The following PCDH9 variants were observed in gnomAD, a reference collection of about 807,000 sequenced individuals.
The protein encoded by PCDH9 is protocadherin-9.
PCDH9 carries 24 observed loss-of-function variants against 70.6 expected under a neutral mutation model. The observed-to-expected ratio is 0.34, with a 90% CI of 0.25 to 0.48. The LOEUF is 0.48. Among genes scored for constraint, PCDH9 ranks in the 20% least tolerant of loss-of-function variants. PCDH9 has a pLI of 0.99. For synonymous variants in PCDH9, 562 were observed against 558.5 expected (o/e 1.01, Z -0.09); for missense variants, 1,281 against 1,503.6 (o/e 0.85, Z 2.45).
At chr13:66,568,676 A>C (rs2138733784) in intron 4 of PCDH9, among the ~76,000 whole-genome samples, 1 of 152,022 alleles carries the variant, frequency 6.6e-6, no homozygotes, top group South Asian at 2.1e-4. Context: ...CTGTCTCAAA[A>C]AAAAAAAAGA....
chr13:67,005,609 G>A (rs1484409722), intron 2 of PCDH9, among the ~76,000 whole-genome samples: 1 of 152,130 alleles, frequency 6.6e-6, no homozygotes, highest in East Asian at 1.9e-4. Flanking sequence ...TAAGGTCCTT[G>A]TGAATCCTAC....
intron 3 of PCDH9, among the ~76,000 whole-genome samples, chr13:66,662,388 G>A (rs779623173): frequency 4.6e-5 from 7 of 151,874 alleles, no homozygotes; most frequent in Non-Finnish European, 8.8e-5. Context: ...CAGGAGAATT[G>A]TTTGAACTTG....
chr13:66,632,591 T>A lies in PCDH9; in HGVS notation c.3139-1180A>T, dbSNP rs149460085. Among the ~76,000 whole-genome samples, 626 of 152,240 alleles carry A rather than the reference T, an allele frequency of 4.1e-3. 15 individuals carry two copies. The East Asian group carries it at 0.079, about 19-fold the overall frequency. ...CATTGTCATGTTTACCAAAAAAGTT[T>A]TCTCATAAAAAATAATACATTTTAA... On this transcript the variant is annotated intron_variant, in intron 3 of 4. Transcript: ENST00000377865.
At chr13:66,736,658 G>T (rs2079153383) in intron 3 of PCDH9, among the ~76,000 whole-genome samples, 1 of 152,180 alleles carries the variant, frequency 6.6e-6, no homozygotes, top group Admixed American at 6.5e-5. Context: ...GCTTGTTCAG[G>T]CATTGAAAAC....
chr13:66,767,379 C>A (rs1729672485), intron 3 of PCDH9, among the ~76,000 whole-genome samples: 1 of 152,124 alleles, frequency 6.6e-6, no homozygotes, highest in African/African-American at 2.4e-5. Context: ...ACTTTTCATT[C>A]CATGTCGCAT....
At chr13:66,733,989 A>C (rs1260961085) in intron 3 of PCDH9, among the ~76,000 whole-genome samples, 5 of 152,150 alleles carry the variant, frequency 3.3e-5, no homozygotes, top group African/African-American at 1.2e-4. Flanking sequence ...AATTCATGCC[A>C]TACCCAATAG....
chr13:67,192,906 C>T (rs138206182), intron 2 of PCDH9, among the ~76,000 whole-genome samples: 79 of 152,204 alleles, frequency 5.2e-4, no homozygotes, highest in Non-Finnish European at 8.7e-4. Context: ...TATCTTTCAA[C>T]GAGTAGCAGA....
intron 2 of PCDH9, among the ~76,000 whole-genome samples, chr13:66,923,612 C>G (rs2082672300): frequency 6.6e-6 from 1 of 151,558 alleles, no homozygotes; most frequent in Non-Finnish European, 1.5e-5. Context: ...CTACCCAATA[C>G]AATGTATACA....
chr13:67,103,878 C>G (rs1001196701), intron 2 of PCDH9, among the ~76,000 whole-genome samples: 6 of 152,148 alleles, frequency 3.9e-5, no homozygotes, highest in African/African-American at 1.4e-4. Flanking sequence ...GTGTACATGG[C>G]TAAGTGAACG....
intron 3 of PCDH9, among the ~76,000 whole-genome samples, chr13:66,676,296 T>C (rs2078241649): frequency 6.6e-6 from 1 of 152,110 alleles, no homozygotes. Flanking sequence ...AAATAACCCA[T>C]CTTCTACAAA....
chr13:66,640,756 C>A (rs2077698115), intron 3 of PCDH9, among the ~76,000 whole-genome samples: 1 of 152,136 alleles, frequency 6.6e-6, no homozygotes, highest in African/African-American at 2.4e-5. Context: ...GATTACTGTA[C>A]AATAAGGTTG....
chr13:66,537,296 A>G (rs1325792053), intron 4 of PCDH9, among the ~76,000 whole-genome samples: 1 of 152,090 alleles, frequency 6.6e-6, no homozygotes, highest in East Asian at 1.9e-4. Flanking sequence ...TCAAGATATA[A>G]GGTCTGGATT....
chr13:66,738,001 A>G (rs1309052601), intron 3 of PCDH9, among the ~76,000 whole-genome samples: 2 of 152,192 alleles, frequency 1.3e-5, no homozygotes, highest in South Asian at 2.1e-4. Flanking sequence ...ACCACAGCTC[A>G]AGGAGGCCTG....
intron 2 of PCDH9, among the ~76,000 whole-genome samples, chr13:66,999,538 A>G (rs1489492495): frequency 6.6e-6 from 1 of 152,076 alleles, no homozygotes; most frequent in Non-Finnish European, 1.5e-5. Flanking sequence ...CATCAGAGTG[A>G]ACAGGCAACC....
chr13:67,096,482 G>A (rs918181127), intron 2 of PCDH9, among the ~76,000 whole-genome samples: 7 of 152,076 alleles, frequency 4.6e-5, no homozygotes, highest in Admixed American at 3.9e-4. Context: ...TAATCTCCCC[G>A]TAGATTGATA....
intron 4 of PCDH9, among the ~76,000 whole-genome samples, chr13:66,470,743 T>A (rs948970762): frequency 4.0e-5 from 6 of 151,416 alleles, no homozygotes; most frequent in Non-Finnish European, 8.8e-5. Flanking sequence ...AAAAAACTTT[T>A]GGAAGCTCAC....
At chr13:66,542,434 G>A (rs1229251037) in intron 4 of PCDH9, among the ~76,000 whole-genome samples, 1 of 151,758 alleles carries the variant, frequency 6.6e-6, no homozygotes, top group Admixed American at 6.6e-5. Flanking sequence ...ACTAATGTGG[G>A]TGTGCCTTGT....
intron 2 of PCDH9, among the ~76,000 whole-genome samples, chr13:66,931,701 G>T (rs1159626189): frequency 6.6e-6 from 1 of 152,052 alleles, no homozygotes; most frequent in Non-Finnish European, 1.5e-5. Context: ...TTTATCCGTA[G>T]GTTGCCTGTG....
chr13:66,895,164 T>C (rs959986190), intron 3 of PCDH9, among the ~76,000 whole-genome samples: 1 of 152,194 alleles, frequency 6.6e-6, no homozygotes, highest in Non-Finnish European at 1.5e-5. Flanking sequence ...GAAATTAGAA[T>C]AGGTATTTTA....
Sources: allele counts gnomAD v4.1 joint callset (sites outside exome capture counted in the v4.1 genomes callset), GRCh38; gene constraint gnomAD v4.1.1; transcripts MANE v1.5; gene names NCBI Gene and HGNC (gene_info 2026-07-23, HGNC 2026-07-21).